GIPC2: variants seen among roughly 807,000 people sequenced by gnomAD.
The protein encoded by GIPC2 is GIPC PDZ domain containing family member 2, also known as PDZ domain-containing protein GIPC2.
Under a neutral mutation model 30.6 loss-of-function variants are expected in GIPC2, and 30 were observed. The ratio of observed to expected loss-of-function variants is 0.98; its 90% CI spans 0.73 to 1.33. The LOEUF is 1.33. Ranked by LOEUF, GIPC2 falls within the 40% of genes most tolerant of loss-of-function variation. The pLI, the probability that GIPC2 is intolerant of heterozygous loss-of-function variation, is 0.00. For synonymous variants in GIPC2, 167 were observed against 150.0 expected, an observed-to-expected ratio of 1.11 and a Z score of -0.83; for missense variants, 414 against 390.3, an observed-to-expected ratio of 1.06 and a Z score of -0.51.
At chr1:78,099,131 T>C (rs1358351851) in intron 3 of GIPC2, among the ~76,000 whole-genome samples, 2 of 152,140 alleles carry the variant, frequency 1.3e-5, no homozygotes, top group Non-Finnish European at 2.9e-5. Flanking sequence ...CATACTAATA[T>C]GTTTCCATTC....
intron 1 of GIPC2, among the ~76,000 whole-genome samples, chr1:78,059,314 A>C (rs967946104): frequency 6.6e-6 from 1 of 152,260 alleles, no homozygotes; most frequent in Admixed American, 6.5e-5. Flanking sequence ...GAGCTTGTGC[A>C]TTCAATTAAA....
intron 2 of GIPC2, among the ~76,000 whole-genome samples, chr1:78,093,383 A>G (rs77218263): frequency 1.6e-4 from 25 of 152,026 alleles, no homozygotes; most frequent in African/African-American, 6.0e-4. Flanking sequence ...AACTTCTGGT[A>G]TCTTTGTTTA....
intron 4 of GIPC2, among the ~76,000 whole-genome samples, chr1:78,122,688 A>G (rs1011139062): frequency 2.0e-5 from 3 of 152,188 alleles, no homozygotes; most frequent in African/African-American, 7.2e-5. Flanking sequence ...GGGGATTGCA[A>G]TTCAAGATGG....
At chr1:78,079,101 C>G (rs1557534918) in intron 1 of GIPC2, among the ~76,000 whole-genome samples, 1 of 152,062 alleles carries the variant, frequency 6.6e-6, no homozygotes, top group African/African-American at 2.4e-5. Flanking sequence ...AGAATATGTG[C>G]AAAAACTTAT....
At chr1:78,063,504 C>CAAA (rs141644337) in intron 1 of GIPC2, among the ~76,000 whole-genome samples, 99 of 145,334 alleles carry the variant, frequency 6.8e-4, no homozygotes, top group African/African-American at 2.4e-3. Context: ...AAAAAACAAA[C>CAAA]AAAAAAAAAA....
At chr1:78,093,614 G>A (rs912314706) in intron 2 of GIPC2, among the ~76,000 whole-genome samples, 2 of 152,098 alleles carry the variant, frequency 1.3e-5, no homozygotes, top group Admixed American at 6.5e-5. Flanking sequence ...ACAATATGAC[G>A]GAGATGCTGG....
At chr1:78,050,402 T>A (rs1661174184) in intron 1 of GIPC2, among the ~76,000 whole-genome samples, 1 of 152,168 alleles carries the variant, frequency 6.6e-6, no homozygotes, top group Non-Finnish European at 1.5e-5. Flanking sequence ...TTGTGGTCCC[T>A]GAAGGAATAA....
intron 2 of GIPC2, among the ~76,000 whole-genome samples, chr1:78,081,800 CACTT>C (rs1317699129): frequency 6.6e-6 from 1 of 152,162 alleles, no homozygotes; most frequent in Non-Finnish European, 1.5e-5. Flanking sequence ...TACAATTTCT[CACTT>C]AATTCTCACA....
At chr1:78,100,442 T>C (rs1038061025) in intron 3 of GIPC2, among the ~76,000 whole-genome samples, 22 of 152,218 alleles carry the variant, frequency 1.4e-4, no homozygotes, top group African/African-American at 5.1e-4. Context: ...CTGTTGGACA[T>C]AGAAGTAAAG....
intron 5 of GIPC2, among the ~76,000 whole-genome samples, chr1:78,132,633 A>C (rs1182115797): frequency 1.4e-5 from 2 of 147,004 alleles, no homozygotes; most frequent in Non-Finnish European, 3.0e-5. Flanking sequence ...ATCATGTACC[A>C]AGTTGTTTCT....
Position 78,117,627 on chromosome 1 carries a change from A to G in GIPC2, c.608-1766A>G, listed in dbSNP as rs1259428047. On this transcript the variant is annotated intron_variant, in intron 3 of 5. Transcript: ENST00000370759. ...GGTAATGCTGTGTGGCCCAGTTTCT[A>G]ACAGGCCATGGGCTGGTACCAGTCT... is the stretch of plus-strand genomic sequence containing the variant. Among the ~76,000 whole-genome samples, 3 of 152,230 alleles carry G rather than the reference A, an allele frequency of 2.0e-5. No homozygotes were observed. The East Asian group carries it at 5.8e-4, about 29-fold the overall frequency.
intron 2 of GIPC2, 46 bp downstream of exon 2, chr1:78,080,906 T>C: frequency 8.9e-7 from 1 of 1,127,578 alleles, no homozygotes; most frequent in Non-Finnish European, 1.2e-6. Context: ...GGATAACATT[T>C]AAGAAAATCT....
At chr1:78,075,391 G>A (rs976213747) in intron 1 of GIPC2, among the ~76,000 whole-genome samples, 1 of 152,202 alleles carries the variant, frequency 6.6e-6, no homozygotes, top group Non-Finnish European at 1.5e-5. Context: ...GGGGGGTTGA[G>A]GCTGCAGTAA....
At chr1:78,071,302 TTAAA>T (rs1202082983) in intron 1 of GIPC2, among the ~76,000 whole-genome samples, 1 of 152,154 alleles carries the variant, frequency 6.6e-6, no homozygotes, top group Non-Finnish European at 1.5e-5. Flanking sequence ...ATAATTTAAA[TTAAA>T]TAATGTTATT....
At chr1:78,050,545 C>A (rs1053065826) in intron 1 of GIPC2, among the ~76,000 whole-genome samples, 1 of 152,004 alleles carries the variant, frequency 6.6e-6, no homozygotes, top group Non-Finnish European at 1.5e-5. Flanking sequence ...AGAAAAAAAA[C>A]CCTGTAAATT....
rs1663007896 is a variant in GIPC2, at chr1:78,136,555, T to A, written c.*812T>A. Reference sequence around the variant, plus strand: ...AAGCACTCCAGGGAAGATTTTATATTTTTTTGTAGAGTTTTTGGAAAGATA... The same window carrying A: ...AAGCACTCCAGGGAAGATTTTATATATTTTTGTAGAGTTTTTGGAAAGATA... On this transcript the variant is annotated 3_prime_UTR_variant, in exon 6 of 6. Transcript: ENST00000370759. 6.6e-6 allele frequency: 1 copy of A among 151,964 alleles called. No individual in the cohort carries two copies. The highest frequency in any genetic ancestry group is 6.6e-5 in the Admixed American group (1 of 15,252). The allele number at this position is 151,964 out of a possible 1,614,324, so 9.4% of individuals were successfully genotyped here.
rs951025966 is a variant in GIPC2 at position 78,046,035 on chromosome 1, G to A, written c.-60G>A. 9.3e-6 allele frequency: 13 copies of A among 1,398,618 alleles called. No individual in the cohort carries two copies. In the African/African-American group the frequency reaches 1.2e-4, roughly 13 times the overall value. 86.6% of individuals were successfully genotyped at this position (1,398,618 alleles called of 1,614,324 possible). Reference sequence around the variant, plus strand: ...GGGCCCGGGGCGCAAAGTCCGAGGCGCCGGGGGGAGGAGGCGGCGGACGGC... The same window carrying A: ...GGGCCCGGGGCGCAAAGTCCGAGGCACCGGGGGGAGGAGGCGGCGGACGGC... On this transcript the variant is annotated 5_prime_UTR_variant, in exon 1 of 6. Transcript: ENST00000370759.
intron 3 of GIPC2, among the ~76,000 whole-genome samples, chr1:78,096,436 A>AT (rs943342187): frequency 2.0e-5 from 3 of 149,256 alleles, no homozygotes; most frequent in Non-Finnish European, 4.4e-5. Context: ...CAAGAAATCT[A>AT]TTTTTTTCTG....
intron 3 of GIPC2, among the ~76,000 whole-genome samples, chr1:78,118,337 CAAAAAAAAAAAAAAAAA>C (rs55905283): frequency 1.6e-4 from 2 of 12,178 alleles, no homozygotes; most frequent in African/African-American, 6.9e-4. Context: ...TGGGGCCTAC[CAAAAAAAAAAAAAAAAA>C]AAAAAAAGTG....
Sources: allele counts gnomAD v4.1 joint callset (sites outside exome capture counted in the v4.1 genomes callset), GRCh38; gene constraint gnomAD v4.1.1; transcripts MANE v1.5; gene names NCBI Gene and HGNC (gene_info 2026-07-23, HGNC 2026-07-21).